Variants in RABGAP1L observed in about 807,000 individuals in gnomAD.
The protein encoded by RABGAP1L is rab GTPase-activating protein 1-like.
In RABGAP1L, 63 loss-of-function variants were observed where a neutral mutation model predicts 137.7. The ratio of observed to expected loss-of-function variants is 0.46; its 90% CI spans 0.37 to 0.56. RABGAP1L has a LOEUF of 0.56. Among genes scored for constraint, RABGAP1L ranks in the 20% least tolerant of loss-of-function variants. RABGAP1L has a pLI of 0.00. For synonymous variants in RABGAP1L, 431 were observed against 433.7 expected (o/e 0.99, Z 0.08); for missense variants, 1,095 against 1,244.0 (o/e 0.88, Z 1.80).
intron 1 of RABGAP1L, among the ~76,000 whole-genome samples, chr1:174,162,279 C>T (rs1190335845): frequency 2.0e-5 from 3 of 151,796 alleles, no homozygotes; most frequent in Non-Finnish European, 4.4e-5. Context: ...GAATTTTTTT[C>T]TTTGCCTTAA....
intron 1 of RABGAP1L, among the ~76,000 whole-genome samples, chr1:174,171,140 T>C (rs913703749): frequency 2.0e-5 from 3 of 152,208 alleles, no homozygotes; most frequent in Non-Finnish European, 4.4e-5. Flanking sequence ...TATATGTAAA[T>C]AACAGGTGAC....
chr1:174,821,236 A>G (rs1417967517), intron 19 of RABGAP1L, among the ~76,000 whole-genome samples: 1 of 152,178 alleles, frequency 6.6e-6, no homozygotes, highest in African/African-American at 2.4e-5. Flanking sequence ...GAGGCAGTGC[A>G]GGTAGCGGGA....
intron 11 of RABGAP1L, among the ~76,000 whole-genome samples, chr1:174,321,664 C>T (rs1266931038): frequency 6.6e-6 from 1 of 152,108 alleles, no homozygotes; most frequent in Admixed American, 6.6e-5. Context: ...TGGAAAAATA[C>T]CTACGAATAG....
intron 10 of RABGAP1L, among the ~76,000 whole-genome samples, chr1:174,284,516 A>G (rs1256339852): frequency 2.0e-5 from 3 of 152,204 alleles, no homozygotes; most frequent in Admixed American, 2.0e-4. Flanking sequence ...ATGTCTAGTG[A>G]ATAATGTTGC....
At chr1:174,984,902 C>G (rs974478042) in intron 24 of RABGAP1L, among the ~76,000 whole-genome samples, 64 of 152,236 alleles carry the variant, frequency 4.2e-4, no homozygotes, top group African/African-American at 1.4e-3. Flanking sequence ...AGTGTTTAAA[C>G]AGAACATTAT....
At chr1:174,974,391 G>C (rs1670468285) in intron 21 of RABGAP1L, among the ~76,000 whole-genome samples, 1 of 152,054 alleles carries the variant, frequency 6.6e-6, no homozygotes, top group African/African-American at 2.4e-5. Flanking sequence ...CTGGCTTGGG[G>C]CTCTAGAATG....
intron 17 of RABGAP1L, among the ~76,000 whole-genome samples, chr1:174,702,802 T>G (rs1679757400): frequency 6.6e-6 from 1 of 152,066 alleles, no homozygotes. Flanking sequence ...ATTTCTTAGG[T>G]GTTTATATTT....
chr1:174,985,067 A>G (rs1671467945), intron 24 of RABGAP1L, among the ~76,000 whole-genome samples: 1 of 152,236 alleles, frequency 6.6e-6, no homozygotes, highest in Non-Finnish European at 1.5e-5. Context: ...ACATTCAGGA[A>G]GAGGAATGTA....
chr1:174,249,658 T>TG (rs1357691505), intron 5 of RABGAP1L, among the ~76,000 whole-genome samples: 1 of 151,708 alleles, frequency 6.6e-6, no homozygotes, highest in Non-Finnish European at 1.5e-5. Flanking sequence ...TTCTTTTTTT[T>TG]TTTTGGAGAC....
At chr1:174,637,134 C>G (rs1202055516) in intron 13 of RABGAP1L, among the ~76,000 whole-genome samples, 1 of 152,016 alleles carries the variant, frequency 6.6e-6, no homozygotes, top group East Asian at 1.9e-4. Flanking sequence ...CCTGCCCCTT[C>G]TCCCCATATA....
rs1464060420 is a variant in RABGAP1L, at chr1:174,848,677, TTTTG to T, written c.2340+36723_2340+36726del. ...AAGTCTGCAGAGGTTACTGCTGTCT[TTTTG>T]TTTGTCTGTGCCCTGCCCCCAGAGG... On this transcript the variant is annotated intron_variant, in intron 19 of 25. Coordinates refer to ENST00000681986, the MANE Select transcript of RABGAP1L (RefSeq NM_001366446.1). Among the ~76,000 whole-genome samples, 26 of 142,698 alleles carry T rather than the reference TTTTG, an allele frequency of 1.8e-4. No homozygotes were observed. In the East Asian group the frequency reaches 4.1e-3, roughly 23 times the overall value. The allele number at this position is 142,698 out of a possible 152,430, so 93.6% of individuals were successfully genotyped here.
At chr1:174,857,422 A>G (rs1219932827) in intron 19 of RABGAP1L, among the ~76,000 whole-genome samples, 1 of 152,174 alleles carries the variant, frequency 6.6e-6, no homozygotes, top group Non-Finnish European at 1.5e-5. Flanking sequence ...TCATTTGTCT[A>G]AGACTTAGGC....
intron 15 of RABGAP1L, among the ~76,000 whole-genome samples, chr1:174,688,854 T>C (rs1678662247): frequency 1.3e-5 from 2 of 152,054 alleles, no homozygotes; most frequent in African/African-American, 4.8e-5. Flanking sequence ...TTTGGTATGA[T>C]TCCATTCTGC....
chr1:174,456,272 C>T (rs1180618310), intron 13 of RABGAP1L, among the ~76,000 whole-genome samples: 2 of 151,950 alleles, frequency 1.3e-5, no homozygotes, highest in East Asian at 3.8e-4. Context: ...CTTTTGAAAA[C>T]ACAGCAGTCA....
rs562154847 is a variant in RABGAP1L at position 174,678,827 on chromosome 1, T to C, written c.1825-4695T>C. 2.6e-5 allele frequency among the ~76,000 whole-genome samples: 4 copies of C among 152,334 alleles called. No homozygotes were observed. In the East Asian group the frequency reaches 7.7e-4, roughly 29 times the overall value. On this transcript the variant is annotated intron_variant, in intron 14 of 25. Transcript: ENST00000681986. ...CTGCACAGGAACAATGGCGAGCCTC[T>C]AGCCCAATTGGGAGCGGCAGTGGGC...
intron 10 of RABGAP1L, among the ~76,000 whole-genome samples, chr1:174,279,044 A>T (rs561997661): frequency 1.4e-4 from 22 of 152,338 alleles, no homozygotes; most frequent in East Asian, 7.7e-4. Flanking sequence ...TATTGACTGC[A>T]TATAAAACAA....
intron 13 of RABGAP1L, among the ~76,000 whole-genome samples, chr1:174,421,319 A>G (rs1651267709): frequency 6.6e-6 from 1 of 152,132 alleles, no homozygotes. Context: ...AGGCAACAAC[A>G]GCTTTCAAAA....
chr1:174,717,488 C>T (rs1681118499), intron 17 of RABGAP1L, among the ~76,000 whole-genome samples: 1 of 152,108 alleles, frequency 6.6e-6, no homozygotes, highest in South Asian at 2.1e-4. Context: ...CGTTTAAGTG[C>T]CCTTTTTTGT....
chr1:174,224,133 G>GA (rs1372771424), intron 3 of RABGAP1L, among the ~76,000 whole-genome samples: 12 of 152,108 alleles, frequency 7.9e-5, no homozygotes, highest in African/African-American at 2.9e-4. Context: ...GTCAAGGTAG[G>GA]AAAAGCCAAA....
Sources: gnomAD v4.1 joint callset for allele counts (sites outside exome capture counted in the v4.1 genomes callset) on GRCh38, gnomAD v4.1.1 for gene constraint, MANE v1.5 for transcripts, NCBI Gene and HGNC (gene_info 2026-07-23, HGNC 2026-07-21) for gene names.